Variants in LINGO2 observed in about 807,000 individuals in gnomAD.
LINGO2 encodes the protein leucine-rich repeat and immunoglobulin-like domain-containing nogo receptor-interacting protein 2.
A neutral mutation model predicts 30.6 loss-of-function variants in LINGO2; 14 were observed. The observed-to-expected ratio is 0.46, with a 90% confidence interval of 0.30 to 0.72. The LOEUF (loss-of-function observed/expected upper bound fraction) is 0.72. Among genes scored for constraint, LINGO2 ranks in the 30% least tolerant of loss-of-function variants. LINGO2 has a pLI of 0.07. For missense variants in LINGO2, 729 were observed against 751.7 expected (o/e 0.97, Z 0.35); for synonymous variants, 317 against 288.5 (o/e 1.10, Z -1.00).
chr9:28,572,880 A>T (rs540669822), intron 1 of LINGO2, among the ~76,000 whole-genome samples: 1 of 152,316 alleles, frequency 6.6e-6, no homozygotes, highest in South Asian at 2.1e-4. Flanking sequence ...TTTGGAGTTC[A>T]TAATTTGAGA....
At chr9:28,490,428 T>C (rs1174470633) in intron 1 of LINGO2, among the ~76,000 whole-genome samples, 1 of 152,212 alleles carries the variant, frequency 6.6e-6, no homozygotes, top group Non-Finnish European at 1.5e-5. Flanking sequence ...GAACTAGGAA[T>C]GTGCATTTTA....
At chr9:29,176,193 T>C in the LINGO2 span, among the ~76,000 whole-genome samples, 1 of 151,822 alleles carries the variant, frequency 6.6e-6, no homozygotes, top group African/African-American at 2.4e-5. Flanking sequence ...TGAGAAAAAT[T>C]GGGCTCTGAG....
chr9:29,060,173 G>A, the LINGO2 span, among the ~76,000 whole-genome samples: 4 of 152,018 alleles, frequency 2.6e-5, no homozygotes, highest in African/African-American at 9.7e-5. Context: ...AATGAGCAGA[G>A]CAGTGGTGCA....
chr9:28,991,587 A>G, the LINGO2 span, among the ~76,000 whole-genome samples: 66,494 of 133,566 alleles, frequency 0.5, 17,488 homozygotes, highest in Non-Finnish European at 0.59. Flanking sequence ...GTTGAAATGA[A>G]GGAAAAAATG....
the LINGO2 span, among the ~76,000 whole-genome samples, chr9:29,143,368 G>A: frequency 6.6e-6 from 1 of 152,006 alleles, no homozygotes; most frequent in African/African-American, 2.4e-5. Flanking sequence ...AAACAATCTT[G>A]GAAGAACAAA....
At chr9:28,465,653 A>G (rs1825271605) in intron 2 of LINGO2, among the ~76,000 whole-genome samples, 1 of 152,182 alleles carries the variant, frequency 6.6e-6, no homozygotes, top group Non-Finnish European at 1.5e-5. Context: ...CAAAGGAACC[A>G]ATCAAGAAAT....
At chr9:28,055,723 A>G (rs1824903194) in intron 4 of LINGO2, among the ~76,000 whole-genome samples, 1 of 152,194 alleles carries the variant, frequency 6.6e-6, no homozygotes, top group Non-Finnish European at 1.5e-5. Context: ...ATTCTTTAAA[A>G]GATATGTACT....
At chr9:28,524,193 A>G (rs558172553) in intron 1 of LINGO2, among the ~76,000 whole-genome samples, 1 of 152,312 alleles carries the variant, frequency 6.6e-6, no homozygotes, top group South Asian at 2.1e-4. Context: ...TTTAACCTTT[A>G]GTACTAGAAC....
chr9:27,962,822 C>T (rs1819912889), intron 5 of LINGO2, among the ~76,000 whole-genome samples: 1 of 152,068 alleles, frequency 6.6e-6, no homozygotes, highest in African/African-American at 2.4e-5. Context: ...AAGCAGGAAG[C>T]TAAAATCTAT....
At chr9:28,570,940 A>C (rs1823658898) in intron 1 of LINGO2, among the ~76,000 whole-genome samples, 1 of 151,990 alleles carries the variant, frequency 6.6e-6, no homozygotes, top group Admixed American at 6.6e-5. Flanking sequence ...GTAACAACAA[A>C]TCAAGAAAAA....
exon 6 of LINGO2, chr9:27,948,528 T>C (rs1823457864): frequency 4.0e-6 from 1 of 250,298 alleles, no homozygotes; most frequent in African/African-American, 2.3e-5. Flanking sequence ...ATTTTTTCTT[T>C]TGTTTTTTGC....
At chr9:28,527,665 C>A (rs1821085708) in intron 1 of LINGO2, among the ~76,000 whole-genome samples, 1 of 152,152 alleles carries the variant, frequency 6.6e-6, no homozygotes. Flanking sequence ...GGACGACATA[C>A]CCCTGCTCTG....
chr9:28,200,499 T>C (rs1357705629), intron 4 of LINGO2, among the ~76,000 whole-genome samples: 1 of 149,796 alleles, frequency 6.7e-6, no homozygotes, highest in Admixed American at 6.7e-5. Flanking sequence ...ATAGTTCTCT[T>C]AAGGAAAAAA....
chr9:29,185,959 A>T, the LINGO2 span, among the ~76,000 whole-genome samples: 1 of 152,158 alleles, frequency 6.6e-6, no homozygotes, highest in East Asian at 1.9e-4. Context: ...AAGGCTTTTT[A>T]AAAAATAAAC....
chr9:28,745,692 A>G, the LINGO2 span, among the ~76,000 whole-genome samples: 9 of 152,184 alleles, frequency 5.9e-5, 1 homozygote, highest in Middle Eastern at 3.4e-3. Flanking sequence ...TCACTGAAAA[A>G]CTATTATTTT....
the LINGO2 span, among the ~76,000 whole-genome samples, chr9:29,165,756 A>C: frequency 6.6e-6 from 1 of 152,130 alleles, no homozygotes; most frequent in Non-Finnish European, 1.5e-5. Flanking sequence ...AAAGTTTAAA[A>C]AAACTGATCG....
the LINGO2 span, among the ~76,000 whole-genome samples, chr9:29,144,913 C>G: frequency 4.6e-5 from 7 of 152,064 alleles, no homozygotes; most frequent in African/African-American, 1.7e-4. Flanking sequence ...CAGGCATCAA[C>G]AGTTTTTATT....
chr9:28,550,209 C>G (rs1426621786), intron 1 of LINGO2, among the ~76,000 whole-genome samples: 1 of 151,840 alleles, frequency 6.6e-6, no homozygotes, highest in Non-Finnish European at 1.5e-5. Context: ...ATTTTCACTA[C>G]TTTCTTCTTC....
chr9:28,135,390 C>T (rs749212245), intron 4 of LINGO2, among the ~76,000 whole-genome samples: 2 of 151,778 alleles, frequency 1.3e-5, no homozygotes, highest in Non-Finnish European at 2.9e-5. Flanking sequence ...AAAAGGAATA[C>T]TTGGGAGAAC....
Sources: allele counts gnomAD v4.1 joint callset (sites outside exome capture counted in the v4.1 genomes callset), GRCh38; gene constraint gnomAD v4.1.1; transcripts MANE v1.5; gene names NCBI Gene and HGNC (gene_info 2026-07-23, HGNC 2026-07-21).